Variants in STX7 observed in about 807,000 individuals in gnomAD.
STX7 encodes syntaxin-7.
STX7 carries 34 observed loss-of-function variants against 39.6 expected under a neutral mutation model. That is an observed-to-expected ratio of 0.86 (90% CI 0.65 to 1.14). STX7 has a LOEUF of 1.14. Among genes scored for constraint, STX7 ranks in the 50% most tolerant of loss-of-function variants. The pLI, the probability that STX7 is intolerant of heterozygous loss-of-function variation, is 0.00. For synonymous variants in STX7, 119 were observed against 99.1 expected, an observed-to-expected ratio of 1.20 and a Z score of -1.19; for missense variants, 284 against 310.4, an observed-to-expected ratio of 0.92 and a Z score of 0.64.
intron 2 of STX7, among the ~76,000 whole-genome samples, chr6:132,487,629 A>G (rs1157627013): frequency 2.6e-5 from 4 of 152,210 alleles, no homozygotes; most frequent in Admixed American, 2.6e-4. Flanking sequence ...TGTATCCCAG[A>G]GCTTAAAGTG....
Position 132,464,049 on chromosome 6 carries a change from C to A in STX7, c.637G>T (p.Ala213Ser). ...IDSIEANVEN[A>S]EVHVQQANQQ... Reference sequence around the variant, plus strand: ...TTTGCTTGCTGAACGTGCACCTCTGCATTTTCCACATTGGCTTCTATGCTA... The same window carrying A: ...TTTGCTTGCTGAACGTGCACCTCTGAATTTTCCACATTGGCTTCTATGCTA... Residue 213 changes from alanine to serine, a missense_variant, in exon 9 of 10, where the codon GCA (alanine) becomes TCA (serine). By Grantham distance (99) the Ala-to-Ser change is moderately conservative (BLOSUM62 1). Coordinates refer to ENST00000367941, the MANE Select transcript of STX7 (RefSeq NM_003569.3). 1 of 1,614,082 alleles carries A rather than the reference C, an allele frequency of 6.2e-7. No individual in the cohort carries two copies. Among genetic ancestry groups the A allele is most frequent in the Non-Finnish European group, 8.5e-7 (1 of 1,179,978 alleles).
chr6:132,460,652 C>T lies in STX7; in HGVS notation c.*106G>A, dbSNP rs934196253. 8.1e-6 allele frequency: 7 copies of T among 864,606 alleles called. No individual in the cohort carries two copies. The highest frequency in any genetic ancestry group is 1.2e-5 in the Non-Finnish European group (7 of 582,824). 53.6% of individuals were successfully genotyped at this position (864,606 alleles called of 1,614,324 possible). ...AATAAAAATAACAAAGTATGGGAAC[C>T]ATCCTTTATACAATAGCTTTAAAAT... is the stretch of plus-strand genomic sequence containing the variant. On this transcript the variant is annotated 3_prime_UTR_variant, in exon 10 of 10. Transcript: ENST00000367941.
intron 1 of STX7, among the ~76,000 whole-genome samples, chr6:132,511,041 C>T (rs1041048487): frequency 1.3e-5 from 2 of 152,154 alleles, no homozygotes; most frequent in East Asian, 3.8e-4. Context: ...CTTCTCTATA[C>T]CCTCTACCCC....
In STX7 at chr6:132,459,324, C is replaced by T. The variant is rs1424458147; in HGVS notation, c.*1434G>A. On this transcript the variant is annotated 3_prime_UTR_variant, in exon 10 of 10. Transcript: ENST00000367941. ...TGCAAAGCAACTTCTACCAGTCTGACAAAGTAGGTAAAATCGATGACACCC... is the reference window on the plus strand; with the variant it reads ...TGCAAAGCAACTTCTACCAGTCTGATAAAGTAGGTAAAATCGATGACACCC... 1 of 152,172 alleles carries T rather than the reference C, an allele frequency of 6.6e-6. No individual in the cohort carries two copies. Among genetic ancestry groups the T allele is most frequent in the African/African-American group, 2.4e-5 (1 of 41,430 alleles). The allele number at this position is 152,172 out of a possible 1,614,324, so 9.4% of individuals were successfully genotyped here.
chr6:132,495,830 G>A (rs1043475162), intron 2 of STX7, among the ~76,000 whole-genome samples: 1 of 152,142 alleles, frequency 6.6e-6, no homozygotes, highest in African/African-American at 2.4e-5. Context: ...ATGGGGACAG[G>A]AGCCATGCAC....
Position 132,456,099 on chromosome 6 carries a change from G to A in STX7, c.*4659C>T, listed in dbSNP as rs1003425716. 4.6e-5 allele frequency: 7 copies of A among 152,154 alleles called. No individual in the cohort carries two copies. Among genetic ancestry groups the A allele is most frequent in the African/African-American group, 1.4e-4 (6 of 41,508 alleles). The allele number at this position is 152,154 out of a possible 1,614,324, so 9.4% of individuals were successfully genotyped here. ...TGTAAATGTCTGTCCTGATGATCAG[G>A]ATGCCCAAGCTCTGAATCCAACTGC... On this transcript the variant is annotated 3_prime_UTR_variant, in exon 10 of 10. Coordinates refer to ENST00000367941, the MANE Select transcript of STX7 (RefSeq NM_003569.3).
intron 2 of STX7, among the ~76,000 whole-genome samples, chr6:132,500,588 T>C (rs1358257196): frequency 1.3e-5 from 2 of 152,202 alleles, no homozygotes; most frequent in African/African-American, 4.8e-5. Flanking sequence ...GAAAGTTAAG[T>C]TGCTCATTAT....
intron 1 of STX7, among the ~76,000 whole-genome samples, chr6:132,511,256 C>G (rs915237183): frequency 2.6e-5 from 4 of 152,162 alleles, no homozygotes; most frequent in African/African-American, 9.7e-5. Flanking sequence ...TTTCAGATAC[C>G]GAAGGTCCCA....
Position 132,457,431 on chromosome 6 carries a change from C to G in STX7, c.*3327G>C, listed in dbSNP as rs1013779246. ...CACAGTATTTTGAGGACACAAATTC[C>G]TAAATACTCAGAAAAAAATGGTTTT... On this transcript the variant is annotated 3_prime_UTR_variant, in exon 10 of 10. Transcript: ENST00000367941. 21 of 152,122 alleles carry G rather than the reference C, an allele frequency of 1.4e-4. No individual in the cohort carries two copies. The highest frequency in any genetic ancestry group is 4.8e-4 in the African/African-American group (20 of 41,430). 9.4% of individuals were successfully genotyped at this position (152,122 alleles called of 1,614,324 possible). A position where few individuals can be genotyped will look rare whatever the true frequency, so the allele number is the denominator to read the frequency against.
chr6:132,509,762 C>A (rs1252056106), intron 1 of STX7, among the ~76,000 whole-genome samples: 3 of 152,078 alleles, frequency 2.0e-5, no homozygotes, highest in African/African-American at 7.2e-5. Flanking sequence ...AAATGGTTGT[C>A]TTTAAAAAAT....
At chr6:132,464,141 T>C (rs2087422966) in intron 8 of STX7, 66 bp from the exon 9 acceptor site, 1 of 1,397,026 alleles carries the variant, frequency 7.2e-7, no homozygotes, top group Admixed American at 1.7e-5. Flanking sequence ...AACAAATCAC[T>C]AAATTTCATT....
rs141099414 is a variant in STX7, at chr6:132,472,227, G to A, written c.249+55C>T. On this transcript the variant is annotated intron_variant, in intron 4 of 9. Transcript: ENST00000367941. ...CGTAACAGTTCAAAGATCCTACAGT[G>A]CACTGGGTTTTTTTCACATTCAATA... 8 of 1,344,308 alleles carry A rather than the reference G, an allele frequency of 6.0e-6. No individual in the cohort carries two copies. The East Asian group carries it at 1.6e-4, about 27-fold the overall frequency. The allele number at this position is 1,344,308 out of a possible 1,614,324, so 83.3% of individuals were successfully genotyped here.
chr6:132,489,877 A>C (rs1234867432), intron 2 of STX7, among the ~76,000 whole-genome samples: 1 of 152,226 alleles, frequency 6.6e-6, no homozygotes, highest in Non-Finnish European at 1.5e-5. Context: ...GGGCATTTTA[A>C]AGCTATTGTA....
At chr6:132,469,594 T>G (rs1019550670) in intron 7 of STX7, among the ~76,000 whole-genome samples, 1 of 152,070 alleles carries the variant, frequency 6.6e-6, no homozygotes, top group East Asian at 1.9e-4. Flanking sequence ...TCCTAGTACT[T>G]TAGGAGGCCA....
rs147295524 is a variant in STX7, at chr6:132,510,361, C to A, written c.-59+2646G>T. Among the ~76,000 whole-genome samples the A allele has an allele frequency of 5.6e-4, 85 of 152,248 alleles. 1 individual carries two copies. The highest frequency in any genetic ancestry group is 1.9e-3 in the African/African-American group (78 of 41,526). ...CACATGTATCCACAAATATGTAAAT[C>A]ATTATCTGTCGATTAAAATAATAAA... On this transcript the variant is annotated intron_variant, in intron 1 of 9. Coordinates refer to ENST00000367941, the MANE Select transcript of STX7 (RefSeq NM_003569.3).
chr6:132,488,296 G>T (rs1775190898), intron 2 of STX7, among the ~76,000 whole-genome samples: 1 of 152,106 alleles, frequency 6.6e-6, no homozygotes. Context: ...CTTGATTAAT[G>T]ACAGGAATAG....
rs936665772 is a variant in STX7 at position 132,452,458 on chromosome 6, A to G, written c.*8300T>C. 1.3e-5 allele frequency: 2 copies of G among 148,920 alleles called. No homozygotes were observed. The highest frequency in any genetic ancestry group is 3.0e-5 in the Non-Finnish European group (2 of 67,352). The allele number at this position is 148,920 out of a possible 1,614,324, so 9.2% of individuals were successfully genotyped here. A position where few individuals can be genotyped will look rare whatever the true frequency, so the allele number is the denominator to read the frequency against. ...AGATAAAACTATTCATTATTTGCAG[A>G]TGACATGACTATCTATATAAAAAAA... On this transcript the variant is annotated 3_prime_UTR_variant, in exon 10 of 10. Transcript: ENST00000367941.
chr6:132,462,812 T>C (rs1774446597), intron 9 of STX7, among the ~76,000 whole-genome samples: 1 of 152,152 alleles, frequency 6.6e-6, no homozygotes, highest in African/African-American at 2.4e-5. Context: ...GAATATGCAG[T>C]AATTTGTCCA....
At chr6:132,463,313 C>T (rs760559437) in intron 9 of STX7, among the ~76,000 whole-genome samples, 12 of 152,116 alleles carry the variant, frequency 7.9e-5, no homozygotes, top group Non-Finnish European at 1.3e-4. Flanking sequence ...TTAGGGGTTT[C>T]CAAAGAGCCT....
Sources: gnomAD v4.1 joint callset for allele counts (sites outside exome capture counted in the v4.1 genomes callset) on GRCh38, gnomAD v4.1.1 for gene constraint, MANE v1.5 for transcripts, NCBI Gene and HGNC (gene_info 2026-07-23, HGNC 2026-07-21) for gene names.